PARPBP: variants seen among roughly 807,000 people sequenced by gnomAD.
The protein encoded by PARPBP is PARP1 binding protein.
A neutral mutation model predicts 50.0 loss-of-function variants in PARPBP; 52 were observed. The ratio of observed to expected loss-of-function variants is 1.04; its 90% confidence interval spans 0.83 to 1.31. PARPBP has a LOEUF of 1.31. Ranked by LOEUF, PARPBP falls within the 50% of genes most tolerant of loss-of-function variation. PARPBP has a pLI of 0.00. For missense variants in PARPBP, 697 were observed against 672.0 expected, an observed-to-expected ratio of 1.04 and a Z score of -0.41; for synonymous variants, 244 against 232.1, an observed-to-expected ratio of 1.05 and a Z score of -0.47.
rs144490190 is a variant in PARPBP, at chr12:102,145,902, A to G, written c.154-2328A>G. ...GATCTTAGCCAAAAGGCCGAGAAGC[A>G]ATGGCTCAAGGTTTTAGCACTGATG... is the stretch of plus-strand genomic sequence containing the variant. On this transcript the variant is annotated intron_variant, in intron 2 of 10. Transcript: ENST00000327680. 1.4e-3 allele frequency among the ~76,000 whole-genome samples: 218 copies of G among 152,308 alleles called. 1 individual carries two copies. The highest frequency in any genetic ancestry group is 3.0e-3 in the Admixed American group (46 of 15,296).
At chr12:102,173,746 C>T (rs1888983078) in intron 6 of PARPBP, among the ~76,000 whole-genome samples, 2 of 151,628 alleles carry the variant, frequency 1.3e-5, no homozygotes, top group Non-Finnish European at 2.9e-5. Context: ...GCTTTGTATC[C>T]TGATCACAGT....
Position 102,148,410 on chromosome 12 carries a change from C to A in PARPBP, c.334C>A (p.Gln112Lys), listed in dbSNP as rs148169413. The A allele has an allele frequency of 4.6e-5, 72 of 1,565,726 alleles. No homozygotes were observed. Among genetic ancestry groups the A allele is most frequent in the Non-Finnish European group, 5.9e-5 (67 of 1,138,544 alleles). The change falls in exon 3 of 11, where the codon CAA (glutamine) becomes AAA (lysine). Residue 112 changes from glutamine to lysine, a missense_variant. Coordinates refer to ENST00000327680, the MANE Select transcript of PARPBP (RefSeq NM_017915.5). ...SNMLDLIDVY[Q>K]KCRALTSNCE... ...TATGTTAGATCTGATTGATGTTTAT[C>A]AAAAATGTAGGGCTTTGACTTCTAA... is the stretch of plus-strand genomic sequence containing the variant.
chr12:102,135,170 A>G (rs1162021063), intron 2 of PARPBP, among the ~76,000 whole-genome samples: 7 of 152,206 alleles, frequency 4.6e-5, no homozygotes, highest in East Asian at 1.9e-4. Context: ...TACATGGCAC[A>G]GGAATATGTA....
At chr12:102,140,196 C>G (rs1884348481) in intron 2 of PARPBP, among the ~76,000 whole-genome samples, 1 of 152,114 alleles carries the variant, frequency 6.6e-6, no homozygotes, top group Non-Finnish European at 1.5e-5. Context: ...TCAACTTCTT[C>G]CTGGTTTAGT....
At position 102,196,215 on chromosome 12, in the gene PARPBP, C is replaced by T. The variant is rs778734047; in HGVS notation, c.1664C>T (p.Ala555Val). The T allele has an allele frequency of 4.3e-6, 7 of 1,609,894 alleles. No individual in the cohort carries two copies. The Admixed American group carries it at 1.2e-4, about 27-fold the overall frequency. ...NRLYGKLAKVAKSNKCTAKDK... is the reference protein window; with the variant it reads ...NRLYGKLAKVVKSNKCTAKDK... ...TTGTACGGCAAACTAGCTAAAGTAG[C>T]AAAAAGTAATAAATGTACTGCCAAG... Residue 555 changes from alanine to valine, a missense_variant, in exon 11 of 11, where the codon GCA (alanine) becomes GTA (valine). Coordinates refer to ENST00000327680, the MANE Select transcript of PARPBP (RefSeq NM_017915.5).
At chr12:102,160,563 C>T (rs1887454826) in intron 4 of PARPBP, among the ~76,000 whole-genome samples, 1 of 152,172 alleles carries the variant, frequency 6.6e-6, no homozygotes, top group African/African-American at 2.4e-5. Context: ...TAGACTATTG[C>T]ACTGTGAAGT....
At chr12:102,170,905 C>CTTTTTTTTTTT (rs56390964) in intron 6 of PARPBP, among the ~76,000 whole-genome samples, 1 of 113,312 alleles carries the variant, frequency 8.8e-6, no homozygotes, top group Non-Finnish European at 1.9e-5. Context: ...TTTAATTTTT[C>CTTTTTTTTTTT]TTTTTTTTTT....
chr12:102,175,943 G>C (rs187291224), intron 7 of PARPBP, among the ~76,000 whole-genome samples: 1 of 151,458 alleles, frequency 6.6e-6, no homozygotes. Context: ...TATAATTCTT[G>C]ATGGATATTA....
At chr12:102,152,933 C>CAAAAAAAAAAAAAAAAAAAAA (rs80188087) in intron 3 of PARPBP, among the ~76,000 whole-genome samples, 1 of 80,470 alleles carries the variant, frequency 1.2e-5, no homozygotes, top group African/African-American at 5.0e-5. Flanking sequence ...AACAGTAAAA[C>CAAAAAAAAAAAAAAAAAAAAA]AAAAAAAAAA....
intron 9 of PARPBP, among the ~76,000 whole-genome samples, chr12:102,189,839 A>G (rs1270548253): frequency 2.6e-5 from 4 of 152,184 alleles, no homozygotes; most frequent in Non-Finnish European, 5.9e-5. Context: ...AGAGAAAGGC[A>G]GAATATTTAA....
chr12:102,172,325 A>G (rs559737158), intron 6 of PARPBP, among the ~76,000 whole-genome samples: 1 of 152,352 alleles, frequency 6.6e-6, no homozygotes, highest in South Asian at 2.1e-4. Flanking sequence ...AAACTTGTCT[A>G]TACTTTCAGT....
At chr12:102,156,176 CTTTTTTTTTT>C (rs869213784) in intron 4 of PARPBP, among the ~76,000 whole-genome samples, 1 of 66,184 alleles carries the variant, frequency 1.5e-5, no homozygotes, top group African/African-American at 6.8e-5. Context: ...ATTAACCTTC[CTTTTTTTTTT>C]TTTTTTTTTT....
intron 7 of PARPBP, among the ~76,000 whole-genome samples, 192 bp downstream of exon 7, chr12:102,175,858 A>G (rs1594598733): frequency 6.6e-6 from 1 of 152,150 alleles, no homozygotes; most frequent in African/African-American, 2.4e-5. Flanking sequence ...ATTATCACAT[A>G]TTTGGGCCAA....
At chr12:102,173,272 A>G (rs992263103) in intron 6 of PARPBP, among the ~76,000 whole-genome samples, 2 of 152,332 alleles carry the variant, frequency 1.3e-5, no homozygotes, top group Admixed American at 6.5e-5. Flanking sequence ...TACTTTGACA[A>G]AAGGGTTTCT....
chr12:102,130,660 C>G (rs1018694001), intron 2 of PARPBP, among the ~76,000 whole-genome samples: 1 of 151,850 alleles, frequency 6.6e-6, no homozygotes, highest in Non-Finnish European at 1.5e-5. Context: ...TGAAGACCAG[C>G]CTGGGCAACA....
At chr12:102,141,220 C>T (rs1884537420) in intron 2 of PARPBP, among the ~76,000 whole-genome samples, 1 of 152,204 alleles carries the variant, frequency 6.6e-6, no homozygotes, top group Non-Finnish European at 1.5e-5. Flanking sequence ...TTGAATTGAT[C>T]CCTTTACCAT....
At chr12:102,152,695 C>T (rs1334516519) in intron 3 of PARPBP, among the ~76,000 whole-genome samples, 1 of 151,602 alleles carries the variant, frequency 6.6e-6, no homozygotes, top group Non-Finnish European at 1.5e-5. Flanking sequence ...AGCAGACTTT[C>T]CTTTGTAATT....
chr12:102,188,952 G>A (rs1890554399), intron 9 of PARPBP, among the ~76,000 whole-genome samples: 1 of 152,114 alleles, frequency 6.6e-6, no homozygotes, highest in Non-Finnish European at 1.5e-5. Context: ...GGTAGGGTAA[G>A]TGGACTTGAA....
intron 2 of PARPBP, among the ~76,000 whole-genome samples, chr12:102,133,914 TA>T (rs1883230694): frequency 6.6e-6 from 1 of 151,868 alleles, no homozygotes; most frequent in East Asian, 1.9e-4. Flanking sequence ...AAAAAAACCT[TA>T]AAAAATATGG....
Sources: allele counts gnomAD v4.1 joint callset (sites outside exome capture counted in the v4.1 genomes callset), GRCh38; gene constraint gnomAD v4.1.1; transcripts MANE v1.5; gene names NCBI Gene and HGNC (gene_info 2026-07-23, HGNC 2026-07-21).